FCGR2B: variants seen among roughly 807,000 people sequenced by gnomAD.
FCGR2B encodes the protein Fc gamma receptor IIb.
In FCGR2B, 18 loss-of-function variants were observed where a neutral mutation model predicts 24.8. That is an observed-to-expected ratio of 0.73 (90% CI 0.50 to 1.08). FCGR2B has a LOEUF of 1.08. Ranked by LOEUF, FCGR2B falls within the 50% of genes least tolerant of loss-of-function variation. The pLI is 0.00. For missense variants in FCGR2B, 215 were observed against 297.6 expected, an observed-to-expected ratio of 0.72 and a Z score of 2.04; for synonymous variants, 79 against 109.8, an observed-to-expected ratio of 0.72 and a Z score of 1.75.
chr1:161,654,604 G>A, the FCGR2B span, among the ~76,000 whole-genome samples: 31 of 132,890 alleles, frequency 2.3e-4, no homozygotes, highest in Non-Finnish European at 5.1e-4. Flanking sequence ...CTTCAAATGC[G>A]TAGGAATGGC....
At chr1:161,648,154 G>A in the FCGR2B span, among the ~76,000 whole-genome samples, 1 of 149,474 alleles carries the variant, frequency 6.7e-6, no homozygotes, top group African/African-American at 2.5e-5. Flanking sequence ...CAAGACTCTA[G>A]GTGCTGGAAT....
At chr1:161,656,345 T>C in the FCGR2B span, among the ~76,000 whole-genome samples, 1 of 133,966 alleles carries the variant, frequency 7.5e-6, no homozygotes, top group African/African-American at 2.6e-5. Flanking sequence ...CCATCTTTCT[T>C]ACCTAGCAGA....
chr1:161,671,745 T>C (rs1467337165), intron 3 of FCGR2B, 96 bp downstream of exon 3: 60 of 1,583,472 alleles, frequency 3.8e-5, no homozygotes, highest in Non-Finnish European at 5.1e-5. Flanking sequence ...GGTGGCCTGC[T>C]TACTGGGAAG....
chr1:161,676,267 C>T (rs1682122697), intron 6 of FCGR2B: 1 of 212,526 alleles, frequency 4.7e-6, no homozygotes, highest in Non-Finnish European at 9.5e-6. Context: ...GCAGAGCCAA[C>T]AGATTTAAGA....
chr1:161,661,516 ATAC>A (rs1161885629), upstream of FCGR2B, among the ~76,000 whole-genome samples: 2 of 99,988 alleles, frequency 2.0e-5, no homozygotes, highest in Admixed American at 1.9e-4. Flanking sequence ...CACAGACCAC[ATAC>A]TGTTTCTGTG....
intron 6 of FCGR2B, chr1:161,675,525 G>C: frequency 2.1e-6 from 1 of 465,294 alleles, no homozygotes; most frequent in South Asian, 4.6e-5. Context: ...AGAAACACCA[G>C]TCCCAGATAC....
the FCGR2B span, among the ~76,000 whole-genome samples, chr1:161,651,834 G>A: frequency 7.9e-6 from 1 of 126,272 alleles, no homozygotes. Context: ...TTGGGAGGGT[G>A]AGGCAGGAGA....
At chr1:161,674,687 A>G (rs1328103188) in intron 5 of FCGR2B, 1 of 169,042 alleles carries the variant, frequency 5.9e-6, no homozygotes, top group Non-Finnish European at 1.3e-5. Context: ...CCTGGTAGGC[A>G]GTAACAGCAC....
At chr1:161,676,870 A>C in intron 6 of FCGR2B, 1 of 184,350 alleles carries the variant, frequency 5.4e-6, no homozygotes, top group Non-Finnish European at 1.1e-5. Flanking sequence ...GCCATGGAGT[A>C]CCATATTTTT....
At chr1:161,647,297 C>CTTTTTTTTTT in the FCGR2B span, among the ~76,000 whole-genome samples, 2 of 122,572 alleles carry the variant, frequency 1.6e-5, no homozygotes, top group African/African-American at 6.5e-5. Flanking sequence ...GCTCTGGACT[C>CTTTTTTTTTT]TTTTTTTTTT....
chr1:161,676,186 T>C (rs951400660), intron 6 of FCGR2B: 4 of 226,664 alleles, frequency 1.8e-5, no homozygotes, highest in African/African-American at 8.9e-5. Context: ...GGGGCTTCCA[T>C]GACAGTAAGA....
rs368287080 is a variant in FCGR2B, at chr1:161,673,122, A to G, written c.539A>G (p.Asn180Ser). ...AAGAAATTTTCCCGTTCGGATCCCA[A>G]CTTCTCCATCCCACAAGCAAACCAC... Reference protein sequence around the residue: ...KSKKFSRSDPNFSIPQANHSH... With the variant: ...KSKKFSRSDPSFSIPQANHSH... Residue 180 changes from asparagine (N) to serine (S), a missense_variant, in exon 4 of 8, where the codon AAC becomes AGC. Coordinates refer to ENST00000358671, the MANE Select transcript of FCGR2B (RefSeq NM_001394477.1). 9.3e-6 allele frequency: 15 copies of G among 1,612,162 alleles called. No individual in the cohort carries two copies. The African/African-American group carries it at 1.9e-4, about 20-fold the overall frequency.
upstream of FCGR2B, among the ~76,000 whole-genome samples, chr1:161,661,186 AAAGGAAAG>A (rs1557894783): frequency 9.1e-6 from 1 of 109,886 alleles, no homozygotes; most frequent in Non-Finnish European, 1.8e-5. Flanking sequence ...AGGAAGGAAG[AAAGGAAAG>A]AAAGAAAGAA....
chr1:161,669,572 C>A (rs549396591), intron 1 of FCGR2B, among the ~76,000 whole-genome samples: 3 of 104,196 alleles, frequency 2.9e-5, no homozygotes, highest in Non-Finnish European at 6.3e-5. Context: ...CCTGTCCCCC[C>A]ACAAAATAAA....
chr1:161,674,556 C>G (rs1479417924), intron 5 of FCGR2B: 1 of 225,516 alleles, frequency 4.4e-6, no homozygotes, highest in African/African-American at 2.3e-5. Flanking sequence ...ACTATATGAC[C>G]CAAGTGAGTC....
In FCGR2B at chr1:161,667,435, G is replaced by T. The variant is rs1204142413; in HGVS notation, c.113-2817G>T. 5.8e-5 allele frequency among the ~76,000 whole-genome samples: 7 copies of T among 121,546 alleles called. 1 individual carries two copies. The allele number at this position is 121,546 out of a possible 152,430, so 79.7% of individuals were successfully genotyped here. A position where few individuals can be genotyped will look rare whatever the true frequency, so the allele number is the denominator to read the frequency against. ...CGTCAACAGTTTGCCTTCTTGTGTG[G>T]TAATTTCAATAACACGCAGCTGAGC... On this transcript the variant is annotated intron_variant, in intron 1 of 7. Transcript: ENST00000358671.
the FCGR2B span, among the ~76,000 whole-genome samples, chr1:161,656,268 G>C: frequency 4.1e-4 from 60 of 144,956 alleles, no homozygotes; most frequent in Middle Eastern, 0.018. Flanking sequence ...ATTGTAATGA[G>C]GGTTCCTCAG....
chr1:161,671,670 G>C, intron 3 of FCGR2B, 21 bp downstream of exon 3: 1 of 1,611,834 alleles, frequency 6.2e-7, no homozygotes, highest in Non-Finnish European at 8.5e-7. Context: ...GAAGGCCCCA[G>C]GGTGGACCTG....
In FCGR2B at chr1:161,671,640, G is replaced by A. The variant is rs369138204; in HGVS notation, c.382G>A (p.Val128Met). 1 of 1,613,496 alleles carries A rather than the reference G, an allele frequency of 6.2e-7. No individual in the cohort carries two copies. The highest frequency in any genetic ancestry group is 8.5e-7 in the Non-Finnish European group (1 of 1,179,554). Residue 128 changes from valine (V) to methionine (M), a missense_variant, in exon 3 of 8, where the codon GTG becomes ATG. Val to Met is a conservative substitution (Grantham distance 21). This residue lies in a region of FCGR2B where 39 missense variants were observed against 73.3 expected (regional missense o/e 0.53). Coordinates refer to ENST00000358671, the MANE Select transcript of FCGR2B (RefSeq NM_001394477.1). Reference sequence around the variant, plus strand: ...CCTCAGCGACCCTGTGCATCTGACTGTGCTTTCTGGTCAGTGGAGGAAGGC... The same window carrying A: ...CCTCAGCGACCCTGTGCATCTGACTATGCTTTCTGGTCAGTGGAGGAAGGC... The part of the protein sequence containing the change: ...TSLSDPVHLT[V>M]LSEWLVLQTP...
Sources: allele counts gnomAD v4.1 joint callset (sites outside exome capture counted in the v4.1 genomes callset), GRCh38; gene constraint gnomAD v4.1.1; regional missense constraint gnomAD v4.1.1; transcripts MANE v1.5; gene names NCBI Gene and HGNC (gene_info 2026-07-23, HGNC 2026-07-21).